Variants in TNC observed in about 807,000 individuals in gnomAD.
The protein encoded by TNC is tenascin C.
TNC carries 109 observed loss-of-function variants against 202.4 expected under a neutral mutation model. The ratio of observed to expected loss-of-function variants is 0.54; its 90% CI spans 0.46 to 0.63. The LOEUF (loss-of-function observed/expected upper bound fraction) is 0.63, where lower values mean the gene tolerates loss of function less well. TNC is among the 30% of genes least tolerant of loss of function. The probability of loss-of-function intolerance (pLI) is 0.00; values close to 1 mark genes in which losing one functional copy is unlikely to be tolerated. For synonymous variants in TNC, 1,007 were observed against 1,089.7 expected, an observed-to-expected ratio of 0.92 and a Z score of 1.50; for missense variants, 2,756 against 2,833.3, an observed-to-expected ratio of 0.97 and a Z score of 0.62.
At chr9:115,022,020 A>G (rs530535075) in intron 27 of TNC, among the ~76,000 whole-genome samples, 1 of 152,350 alleles carries the variant, frequency 6.6e-6, no homozygotes, top group South Asian at 2.1e-4. Flanking sequence ...TCTACAAGAA[A>G]AAACTGTATC....
chr9:115,049,933 T>C (rs1831520614), intron 15 of TNC, among the ~76,000 whole-genome samples: 1 of 152,222 alleles, frequency 6.6e-6, no homozygotes, highest in South Asian at 2.1e-4. Context: ...TTGCTGTGGC[T>C]TGGACTTCCT....
intron 17 of TNC, among the ~76,000 whole-genome samples, chr9:115,043,180 T>A (rs1479136124): frequency 6.6e-6 from 1 of 152,198 alleles, no homozygotes; most frequent in Admixed American, 6.5e-5. Context: ...GGAAACAATT[T>A]TCAGGCTCTA....
chr9:115,073,460 C>A lies in TNC; in HGVS notation c.3214+143G>T, dbSNP rs1375503959. ...AGAAAAGACGAGTAAGCAGCCCTTT[C>A]AAAGTGGTGTTCAGGGGCTTCAGAG... On this transcript the variant is annotated intron_variant, in intron 10 of 27. Transcript: ENST00000350763. The A allele has an allele frequency of 3.3e-6, 3 of 919,570 alleles. No individual in the cohort carries two copies. In the Admixed American group the frequency reaches 9.0e-5, roughly 28 times the overall value. The allele number at this position is 919,570 out of a possible 1,614,324, so 57.0% of individuals were successfully genotyped here.
intron 20 of TNC, among the ~76,000 whole-genome samples, chr9:115,037,105 G>A (rs1017297216): frequency 2.6e-5 from 4 of 152,066 alleles, no homozygotes; most frequent in Admixed American, 1.3e-4. Context: ...AGAGTAAAAA[G>A]AATAAACCCA....
intron 10 of TNC, among the ~76,000 whole-genome samples, chr9:115,065,557 A>G (rs930551608): frequency 1.3e-5 from 2 of 152,194 alleles, no homozygotes; most frequent in Admixed American, 6.5e-5. Context: ...CATGTCTTGC[A>G]TCATAATGGG....
chr9:115,036,623 T>C (rs1012800698), intron 20 of TNC, among the ~76,000 whole-genome samples: 10 of 152,162 alleles, frequency 6.6e-5, no homozygotes, highest in Non-Finnish European at 1.5e-5. Flanking sequence ...TGCTCTCCTC[T>C]CTTTGTCACT....
At chr9:115,046,301 C>A in intron 17 of TNC, 109 bp downstream of exon 17, 1 of 1,293,444 alleles carries the variant, frequency 7.7e-7, no homozygotes, top group Non-Finnish European at 1.1e-6. Flanking sequence ...GAGTCAGGAT[C>A]AGAGCGCCAG....
intron 11 of TNC, 45 bp from the exon 12 acceptor site, chr9:115,064,113 A>C (rs755812690): frequency 6.5e-7 from 1 of 1,528,054 alleles, no homozygotes; most frequent in Non-Finnish European, 8.8e-7. Flanking sequence ...ATCACACAAC[A>C]AGATCCAGGG....
chr9:115,081,722 T>G (rs373526313), intron 6 of TNC, 50 bp downstream of exon 6: 13 of 1,604,542 alleles, frequency 8.1e-6, no homozygotes, highest in Non-Finnish European at 1.0e-5. Context: ...GGAGGTGCTA[T>G]GAGGTACAAT....
At chr9:115,055,767 G>C (rs891773660) in intron 15 of TNC, 3 of 152,372 alleles carry the variant, frequency 2.0e-5, no homozygotes, top group Non-Finnish European at 4.4e-5. Flanking sequence ...AGAAAAAAAA[G>C]AAAAAAGAAA....
At chr9:115,029,102 G>A (rs1829755604) in intron 25 of TNC, among the ~76,000 whole-genome samples, 1 of 146,028 alleles carries the variant, frequency 6.8e-6, no homozygotes, top group African/African-American at 2.5e-5. Flanking sequence ...CTTTTTTTCT[G>A]GGCGTGTCCT....
intron 13 of TNC, among the ~76,000 whole-genome samples, chr9:115,062,535 G>C (rs1254385600): frequency 2.0e-5 from 3 of 151,266 alleles, no homozygotes; most frequent in African/African-American, 4.9e-5. Flanking sequence ...CTTGAGTCTA[G>C]GAGTTCGAGG....
chr9:115,044,221 T>G (rs943218275), intron 17 of TNC, among the ~76,000 whole-genome samples: 6 of 150,672 alleles, frequency 4.0e-5, no homozygotes, highest in Non-Finnish European at 8.9e-5. Flanking sequence ...GAGAAGAGTT[T>G]ACAATGGTAT....
chr9:115,040,492 A>G (rs1029091694), intron 19 of TNC, among the ~76,000 whole-genome samples: 8 of 152,198 alleles, frequency 5.3e-5, no homozygotes, highest in Admixed American at 4.6e-4. Flanking sequence ...AACATGAACA[A>G]TTGTATTTCA....
At chr9:115,077,223 T>A (rs1202150975) in intron 7 of TNC, among the ~76,000 whole-genome samples, 1 of 149,924 alleles carries the variant, frequency 6.7e-6, no homozygotes, top group Non-Finnish European at 1.5e-5. Flanking sequence ...CCTGGCTAAT[T>A]TTTTTTGTAT....
intron 22 of TNC, 51 bp downstream of exon 22, chr9:115,035,153 T>C (rs767163847): frequency 6.5e-7 from 1 of 1,527,018 alleles, no homozygotes; most frequent in South Asian, 1.3e-5. Context: ...ACTTTGAAGA[T>C]CATGCAAATG....
chr9:115,066,177 C>T (rs1027660736), intron 10 of TNC, among the ~76,000 whole-genome samples: 6 of 152,090 alleles, frequency 3.9e-5, no homozygotes, highest in Admixed American at 2.0e-4. Flanking sequence ...AAACTGAATG[C>T]ACCCTGTTCA....
Position 115,021,078 on chromosome 9 carries a change from G to T in TNC, c.*79C>A. On this transcript the variant is annotated 3_prime_UTR_variant, in exon 28 of 28. Coordinates refer to ENST00000350763, the MANE Select transcript of TNC (RefSeq NM_002160.4). ...TGCCCAGGTGTGGACCGATGGTTGG[G>T]CTGGTTGTATTGATGCTTTGGTAAA... is the stretch of plus-strand genomic sequence containing the variant. 8.2e-7 allele frequency: 1 copy of T among 1,217,158 alleles called. No individual in the cohort carries two copies. The highest frequency in any genetic ancestry group is 1.2e-6 in the Non-Finnish European group (1 of 836,324). The allele number at this position is 1,217,158 out of a possible 1,614,324, so 75.4% of individuals were successfully genotyped here.
chr9:115,067,076 C>A (rs1052529669), intron 10 of TNC, among the ~76,000 whole-genome samples: 2 of 152,222 alleles, frequency 1.3e-5, no homozygotes, highest in Admixed American at 6.5e-5. Context: ...GGACCCCAAA[C>A]TGCAAGTGAT....
Sources: allele counts gnomAD v4.1 joint callset (sites outside exome capture counted in the v4.1 genomes callset), GRCh38; gene constraint gnomAD v4.1.1; transcripts MANE v1.5; gene names NCBI Gene and HGNC (gene_info 2026-07-23, HGNC 2026-07-21).